Variants in LRMDA observed in about 807,000 individuals in gnomAD.
The protein encoded by LRMDA is leucine-rich melanocyte differentiation-associated protein.
LRMDA carries 18 observed loss-of-function variants against 29.8 expected under a neutral mutation model. That is an observed-to-expected ratio of 0.60 (90% confidence interval 0.42 to 0.90). The LOEUF (loss-of-function observed/expected upper bound fraction) is 0.90, where lower values mean the gene tolerates loss of function less well. Among genes scored for constraint, LRMDA ranks in the 40% least tolerant of loss-of-function variants. The pLI is 0.00. For missense variants in LRMDA, 273 were observed against 273.9 expected (o/e 1.00, Z 0.02); for synonymous variants, 125 against 109.4 (o/e 1.14, Z -0.89).
At chr10:76,415,270 T>G (rs1293347625) in intron 6 of LRMDA, among the ~76,000 whole-genome samples, 1 of 152,242 alleles carries the variant, frequency 6.6e-6, no homozygotes, top group African/African-American at 2.4e-5. Context: ...CATAAAGACA[T>G]CAGTCCAGAG....
chr10:75,736,580 A>G (rs530509200), intron 2 of LRMDA, among the ~76,000 whole-genome samples: 26 of 152,362 alleles, frequency 1.7e-4, no homozygotes, highest in African/African-American at 6.3e-4. Context: ...CTAAATGCTA[A>G]TTAGGCTTCT....
At chr10:76,445,677 A>T (rs1348578109) in intron 6 of LRMDA, among the ~76,000 whole-genome samples, 3 of 152,218 alleles carry the variant, frequency 2.0e-5, no homozygotes, top group Non-Finnish European at 4.4e-5. Flanking sequence ...TTTGAGTTGG[A>T]GTCCCTCCTT....
chr10:75,884,871 T>C (rs1845357113), intron 2 of LRMDA, among the ~76,000 whole-genome samples: 2 of 151,824 alleles, frequency 1.3e-5, no homozygotes, highest in Non-Finnish European at 2.9e-5. Context: ...AGGACAGCAG[T>C]TGGGCAGGCC....
chr10:75,737,865 A>G (rs2132206237), intron 2 of LRMDA, among the ~76,000 whole-genome samples: 1 of 152,284 alleles, frequency 6.6e-6, no homozygotes, highest in African/African-American at 2.4e-5. Context: ...TTCTGGGTGA[A>G]GTGAGTTTTT....
chr10:76,096,355 T>G (rs1409036937), intron 5 of LRMDA, among the ~76,000 whole-genome samples: 5 of 152,072 alleles, frequency 3.3e-5, no homozygotes, highest in Non-Finnish European at 7.4e-5. Context: ...ATTGAACTGC[T>G]TCAGCTTCAT....
intron 2 of LRMDA, among the ~76,000 whole-genome samples, chr10:75,908,797 G>A (rs1021866896): frequency 1.3e-5 from 2 of 152,182 alleles, no homozygotes; most frequent in Non-Finnish European, 2.9e-5. Context: ...CCAGTTAGAG[G>A]TGAAGGACTC....
intron 2 of LRMDA, among the ~76,000 whole-genome samples, chr10:75,607,096 T>G (rs1476364874): frequency 1.3e-5 from 2 of 152,302 alleles, no homozygotes; most frequent in Admixed American, 1.3e-4. Flanking sequence ...GATATCAAAG[T>G]CTACAATAGA....
At chr10:76,154,086 C>T (rs530411623) in intron 5 of LRMDA, among the ~76,000 whole-genome samples, 10 of 152,326 alleles carry the variant, frequency 6.6e-5, no homozygotes, top group South Asian at 2.1e-4. Context: ...TCAGATCTGT[C>T]GTACTTGACC....
At chr10:75,494,098 T>G (rs888477274) in intron 2 of LRMDA, among the ~76,000 whole-genome samples, 3 of 152,162 alleles carry the variant, frequency 2.0e-5, no homozygotes, top group African/African-American at 7.2e-5. Context: ...AAATTTTCCT[T>G]AAGTGAAAAT....
intron 2 of LRMDA, among the ~76,000 whole-genome samples, chr10:75,918,003 G>A (rs1179148204): frequency 6.6e-6 from 1 of 151,994 alleles, no homozygotes; most frequent in East Asian, 1.9e-4. Context: ...CACTGGCCAT[G>A]CCCATTCCTG....
At chr10:75,609,495 T>C (rs946212257) in intron 2 of LRMDA, among the ~76,000 whole-genome samples, 9 of 152,194 alleles carry the variant, frequency 5.9e-5, no homozygotes, top group Non-Finnish European at 1.0e-4. Flanking sequence ...AGCACCTACT[T>C]CTAGAAGGAG....
intron 6 of LRMDA, among the ~76,000 whole-genome samples, chr10:76,421,256 A>G (rs1842069061): frequency 2.0e-5 from 3 of 152,140 alleles, no homozygotes; most frequent in African/African-American, 7.2e-5. Context: ...CTCTTTTGTC[A>G]TTATGAAATA....
At chr10:75,770,890 G>A (rs1403207461) in intron 2 of LRMDA, among the ~76,000 whole-genome samples, 1 of 152,218 alleles carries the variant, frequency 6.6e-6, no homozygotes, top group Non-Finnish European at 1.5e-5. Context: ...CTGTAGTCCA[G>A]AGGGAGATAG....
At chr10:75,685,532 C>T (rs1217293277) in intron 2 of LRMDA, among the ~76,000 whole-genome samples, 2 of 152,322 alleles carry the variant, frequency 1.3e-5, no homozygotes, top group Non-Finnish European at 1.5e-5. Flanking sequence ...TATTCATATC[C>T]ATTTATTCAT....
intron 6 of LRMDA, among the ~76,000 whole-genome samples, chr10:76,533,250 T>C (rs1209884930): frequency 6.6e-6 from 1 of 152,174 alleles, no homozygotes; most frequent in East Asian, 1.9e-4. Context: ...AACCAGTTGA[T>C]TGTGATTATT....
At chr10:75,936,277 C>G (rs573861622) in intron 2 of LRMDA, among the ~76,000 whole-genome samples, 2 of 152,128 alleles carry the variant, frequency 1.3e-5, no homozygotes, top group Admixed American at 1.3e-4. Flanking sequence ...ATCCTCAGAC[C>G]TGGGTCATTG....
chr10:76,350,286 A>G (rs771077815), intron 6 of LRMDA, among the ~76,000 whole-genome samples: 3 of 152,214 alleles, frequency 2.0e-5, no homozygotes, highest in Non-Finnish European at 4.4e-5. Context: ...ATTATTTTAC[A>G]TATGTTATAT....
intron 5 of LRMDA, among the ~76,000 whole-genome samples, chr10:76,204,816 G>A (rs1851504770): frequency 6.6e-6 from 1 of 152,184 alleles, no homozygotes; most frequent in African/African-American, 2.4e-5. Flanking sequence ...TATTTGAGCT[G>A]CCATCCTCCA....
intron 2 of LRMDA, among the ~76,000 whole-genome samples, chr10:75,953,800 G>A (rs1280131543): frequency 1.2e-4 from 19 of 152,092 alleles, no homozygotes; most frequent in Non-Finnish European, 2.2e-4. Context: ...AATGGCCCCC[G>A]CAGTATTCCT....
Sources: gnomAD v4.1 joint callset for allele counts (sites outside exome capture counted in the v4.1 genomes callset) on GRCh38, gnomAD v4.1.1 for gene constraint, MANE v1.5 for transcripts, NCBI Gene and HGNC (gene_info 2026-07-23, HGNC 2026-07-21) for gene names.